MAST4: variants seen among roughly 807,000 people sequenced by gnomAD.
MAST4 encodes the protein microtubule-associated serine/threonine-protein kinase 4.
Under a neutral mutation model 162.7 loss-of-function variants are expected in MAST4, and 89 were observed. That is an observed-to-expected ratio of 0.55 (90% CI 0.46 to 0.65). The LOEUF is 0.65. Among genes scored for constraint, MAST4 ranks in the 30% least tolerant of loss-of-function variants. MAST4 has a pLI of 0.00. For synonymous variants in MAST4, 1,479 were observed against 1,361.1 expected (o/e 1.09, Z -1.91); for missense variants, 3,153 against 3,374.0 (o/e 0.93, Z 1.62).
chr5:67,121,053 C>T lies in MAST4; in HGVS notation c.1696C>T (p.Arg566Trp), dbSNP rs1449775581. 17 of 1,611,176 alleles carry T rather than the reference C, an allele frequency of 1.1e-5. No individual in the cohort carries two copies. The highest frequency in any genetic ancestry group is 1.7e-5 in the Admixed American group (1 of 59,734). ...NASLKLRRKPRESDFETIKLI... is the reference protein window; with the variant it reads ...NASLKLRRKPWESDFETIKLI... ...CTCCCTGAAACTTCGAAGGAAACCT[C>T]GGGAAAGTGATTTTGAAACGATTAA... is the stretch of plus-strand genomic sequence containing the variant. Residue 566 changes from arginine (R) to tryptophan (W), a missense_variant, in exon 14 of 29, where the codon CGG (arginine) becomes TGG (tryptophan). Physicochemically the swap from Arg to Trp is moderately radical, Grantham distance 101. Coordinates refer to ENST00000403625, the MANE Select transcript of MAST4 (RefSeq NM_001164664.2).
rs373691278 is a variant in MAST4 at position 66,869,458 on chromosome 5, T to C, written c.643-30493T>C. 3.9e-5 allele frequency among the ~76,000 whole-genome samples: 6 copies of C among 152,298 alleles called. No individual in the cohort carries two copies. The East Asian group carries it at 9.7e-4, about 25-fold the overall frequency. ...TTCTAGGTCAGCCGAGTTTCAAGACTATTTCCTTGCATTTTTTTCCCAGAG... is the reference window on the plus strand; with the variant it reads ...TTCTAGGTCAGCCGAGTTTCAAGACCATTTCCTTGCATTTTTTTCCCAGAG... On this transcript the variant is annotated intron_variant, in intron 3 of 28. Transcript: ENST00000403625.
At chr5:67,057,018 T>C (rs1362095677) in intron 5 of MAST4, among the ~76,000 whole-genome samples, 1 of 152,152 alleles carries the variant, frequency 6.6e-6, no homozygotes, top group Non-Finnish European at 1.5e-5. Flanking sequence ...TTGTTTTTCT[T>C]TATGTTATGG....
At chr5:67,049,771 T>C (rs1193328214) in intron 4 of MAST4, among the ~76,000 whole-genome samples, 2 of 152,202 alleles carry the variant, frequency 1.3e-5, no homozygotes, top group Non-Finnish European at 2.9e-5. Context: ...CCTCTCTTCA[T>C]TTTTCTTGCC....
chr5:66,640,680 C>A (rs1745437543), intron 1 of MAST4, among the ~76,000 whole-genome samples: 1 of 152,192 alleles, frequency 6.6e-6, no homozygotes, highest in South Asian at 2.1e-4. Flanking sequence ...GTGAATAATA[C>A]TGCCACGAAC....
chr5:66,914,106 G>A (rs1763949536), intron 4 of MAST4, among the ~76,000 whole-genome samples: 1 of 151,698 alleles, frequency 6.6e-6, no homozygotes, highest in Non-Finnish European at 1.5e-5. Context: ...TGTTCTAGTT[G>A]CCTTAATTGT....
At chr5:66,687,636 TTATCTATCTATC>T (rs34407559) in intron 1 of MAST4, among the ~76,000 whole-genome samples, 3,996 of 149,486 alleles carry the variant, frequency 0.027, 165 homozygotes, top group African/African-American at 0.088. Flanking sequence ...GTGTGTGTGT[TTATCTATCTATC>T]TATCTATCTA....
chr5:66,768,790 G>A (rs1754226544), intron 2 of MAST4, among the ~76,000 whole-genome samples: 1 of 152,110 alleles, frequency 6.6e-6, no homozygotes, highest in Admixed American at 6.5e-5. Context: ...TGGGGAAACT[G>A]GGTAAAGAGT....
chr5:67,097,297 T>C (rs1401499854), intron 7 of MAST4, among the ~76,000 whole-genome samples: 1 of 152,180 alleles, frequency 6.6e-6, no homozygotes, highest in African/African-American at 2.4e-5. Context: ...GCCAGGTGCT[T>C]GTCTAAATTC....
intron 2 of MAST4, among the ~76,000 whole-genome samples, chr5:66,766,321 C>A (rs916193485): frequency 1.3e-5 from 2 of 151,826 alleles, no homozygotes; most frequent in Non-Finnish European, 2.9e-5. Context: ...AAAAGAAAGA[C>A]AAAAATCTAT....
intron 4 of MAST4, among the ~76,000 whole-genome samples, chr5:67,038,792 T>A (rs1194594390): frequency 6.6e-6 from 1 of 152,196 alleles, no homozygotes; most frequent in East Asian, 1.9e-4. Flanking sequence ...ATCAAATTTT[T>A]GGTGTACTGT....
At chr5:66,865,293 C>T (rs1332447727) in intron 3 of MAST4, among the ~76,000 whole-genome samples, 1 of 152,180 alleles carries the variant, frequency 6.6e-6, no homozygotes, top group African/African-American at 2.4e-5. Flanking sequence ...CCACTGCTGC[C>T]TCTGAAACTA....
intron 23 of MAST4, 135 bp from the exon 24 acceptor site, chr5:67,149,254 C>A: frequency 1.4e-6 from 1 of 711,206 alleles, no homozygotes; most frequent in Non-Finnish European, 2.4e-6. Flanking sequence ...GTTCGCCTGA[C>A]ACCGTCTGGA....
chr5:66,601,714 A>C (rs79859786), intron 1 of MAST4, among the ~76,000 whole-genome samples: 1 of 152,270 alleles, frequency 6.6e-6, no homozygotes, highest in Non-Finnish European at 1.5e-5. Flanking sequence ...ATGACATCTC[A>C]TGACATTTGA....
chr5:67,050,991 A>G (rs1035849910), intron 4 of MAST4, among the ~76,000 whole-genome samples: 2 of 152,202 alleles, frequency 1.3e-5, no homozygotes, highest in Non-Finnish European at 2.9e-5. Flanking sequence ...ATTTGAGTTC[A>G]TAACTTTTCT....
intron 1 of MAST4, among the ~76,000 whole-genome samples, chr5:66,700,796 T>TACACACAC (rs1198448659): frequency 8.6e-6 from 1 of 116,774 alleles, no homozygotes; most frequent in African/African-American, 3.3e-5. Flanking sequence ...TATATATATA[T>TACACACAC]ATATACACAC....
At chr5:66,841,661 T>A (rs1758437844) in intron 3 of MAST4, among the ~76,000 whole-genome samples, 1 of 152,132 alleles carries the variant, frequency 6.6e-6, no homozygotes, top group Admixed American at 6.6e-5. Context: ...ATAACCGAAT[T>A]TAATCCTAAT....
chr5:66,901,989 A>G (rs456584), intron 4 of MAST4, among the ~76,000 whole-genome samples: 81,643 of 151,982 alleles, frequency 0.54, 22,335 homozygotes, highest in Middle Eastern at 0.61. Context: ...AGGCACAAAT[A>G]TATCTTTATT....
chr5:66,735,132 G>A (rs568167056), intron 1 of MAST4, among the ~76,000 whole-genome samples: 1 of 152,210 alleles, frequency 6.6e-6, no homozygotes, highest in African/African-American at 2.4e-5. Flanking sequence ...TTTTAAAAAG[G>A]GAAACATACA....
chr5:67,163,239 C>G lies in MAST4; in HGVS notation c.4060C>G (p.Leu1354Val). 1.2e-5 allele frequency: 19 copies of G among 1,613,890 alleles called. No individual in the cohort carries two copies. The highest frequency in any genetic ancestry group is 1.6e-5 in the Non-Finnish European group (19 of 1,179,890). The change falls in exon 29 of 29, where the codon CTT becomes GTT. Residue 1354 changes from leucine (L) to valine (V), a missense_variant. Physicochemically the swap from Leu to Val is conservative, Grantham distance 32. Transcript: ENST00000403625. The surrounding 1 kb of genome is among the most constrained non-coding windows in gnomAD (Gnocchi z 7.0). ...CATCCGGCCCAGCACTCTCCACGGT[C>G]TTGCACCCAAACTCGGCGGGCAGCG... ...GHIRPSTLHG[L>V]APKLGGQRYR...
Sources: gnomAD v4.1 joint callset for allele counts (sites outside exome capture counted in the v4.1 genomes callset) on GRCh38, gnomAD v4.1.1 for gene constraint, Gnocchi (gnomAD v3.1) non-coding constraint, MANE v1.5 for transcripts, NCBI Gene and HGNC (gene_info 2026-07-23, HGNC 2026-07-21) for gene names.